ETHE1: variants seen among roughly 807,000 people sequenced by gnomAD.
ETHE1 encodes the protein persulfide dioxygenase ETHE1, mitochondrial.
A neutral mutation model predicts 25.7 loss-of-function variants in ETHE1; 16 were observed. The observed-to-expected ratio is 0.62, with a 90% confidence interval of 0.42 to 0.95. ETHE1 has a LOEUF of 0.95. Ranked by LOEUF, ETHE1 falls within the 40% of genes least tolerant of loss-of-function variation. ETHE1 has a pLI of 0.00. For missense variants in ETHE1, 300 were observed against 333.6 expected (o/e 0.90, Z 0.79); for synonymous variants, 139 against 135.9 (o/e 1.02, Z -0.16).
Position 43,511,501 on chromosome 19 carries a change from G to A in ETHE1, c.441C>T (p.His147=). The A allele has an allele frequency of 6.2e-7, 1 of 1,614,178 alleles. No homozygotes were observed. Among genetic ancestry groups the A allele is most frequent in the Non-Finnish European group, 8.5e-7 (1 of 1,180,040 alleles). Residue 147 remains histidine, a synonymous_variant, in exon 4 of 7, where the codon CAC becomes CAT. Transcript: ENST00000292147. ...GGGCATCTCCAGTGAAGGCCATGCT[G>A]TGGTCATTCAGGACGAAGGTGACAC... ...PGCVTFVLND[H]SMAFTGDALL...
intron 4 of ETHE1, among the ~76,000 whole-genome samples, chr19:43,509,579 AAGTC>A (rs904812258): frequency 2.6e-5 from 4 of 151,986 alleles, no homozygotes; most frequent in African/African-American, 9.7e-5. Context: ...GTGAATCACA[AAGTC>A]AGGAGATCGA....
rs1971914463 is a variant in ETHE1 at position 43,511,472 on chromosome 19, A to G, written c.470T>C (p.Leu157Ser). ...HSMAFTGDAL[L>S]IRGCGRTDFQ... The stretch of plus-strand genomic sequence containing the variant: ...GTCTGTCCGCCCACACCCACGGATC[A>G]ACAGGGCATCTCCAGTGAAGGCCAT... Residue 157 changes from leucine to serine, a missense_variant, in exon 4 of 7, where the codon TTG becomes TCG. By Grantham distance (145) the Leu-to-Ser change is moderately radical. Coordinates refer to ENST00000292147, the MANE Select transcript of ETHE1 (RefSeq NM_014297.5). 1 of 1,614,120 alleles carries G rather than the reference A, an allele frequency of 6.2e-7. No homozygotes were observed. Among genetic ancestry groups the G allele is most frequent in the African/African-American group, 1.3e-5 (1 of 74,946 alleles).
intron 6 of ETHE1, chr19:43,507,533 G>T (rs1361402525): frequency 2.9e-5 from 9 of 305,464 alleles, no homozygotes; most frequent in Non-Finnish European, 5.1e-5. Context: ...TCCTCCCTCA[G>T]ACCCAGGAGC....
In ETHE1 at chr19:43,526,343, G is replaced by C; in HGVS notation, c.233C>G (p.Thr78Ser). 1 of 1,614,170 alleles carries C rather than the reference G, an allele frequency of 6.2e-7. No individual in the cohort carries two copies. The highest frequency in any genetic ancestry group is 8.5e-7 in the Non-Finnish European group (1 of 1,180,014). The part of the protein sequence containing the change: ...LGLRLLYAVN[T>S]HCHADHITGS... ...TGTAATGTGGTCCGCGTGGCAGTGG[G>C]TATTCACTGGGAGAGAGAGGAGGGA... The change falls in exon 3 of 7, where the codon ACC becomes AGC. Residue 78 changes from threonine to serine, a missense_variant. Transcript: ENST00000292147.
intron 3 of ETHE1, chr19:43,525,484 A>G (rs1392069991): frequency 6.6e-6 from 1 of 152,606 alleles, no homozygotes; most frequent in Non-Finnish European, 1.5e-5. Context: ...ATTGATCAGA[A>G]GAATGCCCTG....
intron 2 of ETHE1, 45 bp downstream of exon 2, chr19:43,526,470 C>A: frequency 6.2e-7 from 1 of 1,605,042 alleles, no homozygotes; most frequent in South Asian, 1.1e-5. Flanking sequence ...ACTGACGCTG[C>A]AGCCCAGCCC....
intron 3 of ETHE1, 69 bp downstream of exon 3, chr19:43,526,132 A>C: frequency 6.2e-7 from 1 of 1,610,702 alleles, no homozygotes; most frequent in South Asian, 1.1e-5. Context: ...CCAGGCCCCC[A>C]GTCCCCTCTT....
intron 3 of ETHE1, among the ~76,000 whole-genome samples, chr19:43,513,623 C>T (rs899481833): frequency 6.6e-6 from 1 of 152,162 alleles, no homozygotes; most frequent in Non-Finnish European, 1.5e-5. Flanking sequence ...ATCCCTGGAT[C>T]CCACTGTATC....
intron 3 of ETHE1, among the ~76,000 whole-genome samples, chr19:43,513,146 G>T (rs1482592179): frequency 6.6e-6 from 1 of 152,194 alleles, no homozygotes; most frequent in Non-Finnish European, 1.5e-5. Flanking sequence ...GTATGGAAAT[G>T]CCTGGATGTC....
rs1480478625 is a variant in ETHE1, at chr19:43,526,654, G to T, written c.87C>A (p.Phe29Leu). The T allele has an allele frequency of 1.2e-6, 2 of 1,613,274 alleles. No individual in the cohort carries two copies. Among genetic ancestry groups the T allele is most frequent in the African/African-American group, 2.7e-5 (2 of 74,896 alleles). ...SGAPILLRQM[F>L]EPVSCTFTYL... ...ACGTGAAGGTGCAGCTCACAGGCTC[G>T]AACATCTGGGAACGGGGGACCCAGG... Residue 29 changes from phenylalanine (F) to leucine (L), a missense_variant, in exon 2 of 7, where the codon TTC becomes TTA. Physicochemically the swap from Phe to Leu is conservative, Grantham distance 22. Coordinates refer to ENST00000292147, the MANE Select transcript of ETHE1 (RefSeq NM_014297.5).
In ETHE1 at chr19:43,506,748, C is replaced by A; in HGVS notation, c.*102G>T. On this transcript the variant is annotated 3_prime_UTR_variant, in exon 7 of 7. Coordinates refer to ENST00000292147, the MANE Select transcript of ETHE1 (RefSeq NM_014297.5). ...GTTAAAAAAAGTTTTATTTAGGGAG[C>A]TCCAGGGAATGCGGTGGGAAAGGAG... The A allele has an allele frequency of 8.8e-7, 1 of 1,138,632 alleles. No homozygotes were observed. Among genetic ancestry groups the A allele is most frequent in the South Asian group, 1.2e-5 (1 of 81,102 alleles). The allele number at this position is 1,138,632 out of a possible 1,614,324, so 70.5% of individuals were successfully genotyped here.
chr19:43,519,307 C>T (rs1391431019), intron 3 of ETHE1, among the ~76,000 whole-genome samples: 2 of 151,938 alleles, frequency 1.3e-5, no homozygotes, highest in Non-Finnish European at 2.9e-5. Context: ...CCACCGCGCC[C>T]GGCCTGTGCT....
intron 3 of ETHE1, among the ~76,000 whole-genome samples, chr19:43,518,751 C>CAA (rs34214132): frequency 1.9e-3 from 146 of 77,348 alleles, no homozygotes; most frequent in Middle Eastern, 0.017. Flanking sequence ...ACTCTTGTCT[C>CAA]AAAAAAAAAA....
At chr19:43,511,591 G>A (rs1184312077) in intron 3 of ETHE1, 25 bp from the exon 4 acceptor site, 1 of 1,609,378 alleles carries the variant, frequency 6.2e-7, no homozygotes, top group East Asian at 2.2e-5. Context: ...AGAGTACAGA[G>A]ATAGTCACCA....
At chr19:43,523,706 T>G (rs1972181734) in intron 3 of ETHE1, among the ~76,000 whole-genome samples, 1 of 151,846 alleles carries the variant, frequency 6.6e-6, no homozygotes, top group Non-Finnish European at 1.5e-5. Flanking sequence ...GAGGTCAAGG[T>G]GTGCAGATCA....
intron 3 of ETHE1, among the ~76,000 whole-genome samples, chr19:43,518,644 G>A (rs1399118965): frequency 6.6e-6 from 1 of 150,976 alleles, no homozygotes; most frequent in African/African-American, 2.4e-5. Flanking sequence ...CCAGCTACTC[G>A]GGAGGCTGAG....
chr19:43,506,882 T>G lies in ETHE1; in HGVS notation c.733A>C (p.Met245Leu). 6.2e-7 allele frequency: 1 copy of G among 1,613,862 alleles called. No individual in the cohort carries two copies. Residue 245 changes from methionine (M) to leucine (L), a missense_variant, in exon 7 of 7, where the codon ATG (methionine) becomes CTG (leucine). Physicochemically the swap from Met to Leu is conservative, Grantham distance 15 (BLOSUM62 2). Coordinates refer to ENST00000292147, the MANE Select transcript of ETHE1 (RefSeq NM_014297.5). ...QQIDFAVPAN[M>L]RCGVQTPTA ...GTGGGTGTCTGCACCCCACAGCGCATGTTGGCTGGAACAGCAAAGTCTGAA... is the reference window on the plus strand; with the variant it reads ...GTGGGTGTCTGCACCCCACAGCGCAGGTTGGCTGGAACAGCAAAGTCTGAA...
At chr19:43,519,454 C>T (rs939125436) in intron 3 of ETHE1, among the ~76,000 whole-genome samples, 5 of 152,110 alleles carry the variant, frequency 3.3e-5, no homozygotes, top group African/African-American at 1.2e-4. Context: ...GAGTGATTTC[C>T]GCAACAGCCC....
chr19:43,522,626 C>T (rs1349336314), intron 3 of ETHE1, among the ~76,000 whole-genome samples: 1 of 152,060 alleles, frequency 6.6e-6, no homozygotes, highest in Non-Finnish European at 1.5e-5. Flanking sequence ...GGAATACAGG[C>T]ACACCCCACC....
Sources: gnomAD v4.1 joint callset for allele counts (sites outside exome capture counted in the v4.1 genomes callset) on GRCh38, gnomAD v4.1.1 for gene constraint, MANE v1.5 for transcripts, NCBI Gene and HGNC (gene_info 2026-07-23, HGNC 2026-07-21) for gene names.